ADD2: variants seen among roughly 807,000 people sequenced by gnomAD.
ADD2 encodes beta-adducin.
Under a neutral mutation model 83.0 loss-of-function variants are expected in ADD2, and 23 were observed. The observed-to-expected ratio is 0.28, with a 90% confidence interval of 0.20 to 0.39. The LOEUF is 0.39. ADD2 is among the 10% of genes least tolerant of loss of function. ADD2 has a pLI of 1.00. For missense variants in ADD2, 758 were observed against 944.9 expected (o/e 0.80, Z 2.59); for synonymous variants, 375 against 375.4 (o/e 1.00, Z 0.01).
chr2:70,750,002 T>C (rs1420261331), intron 1 of ADD2, among the ~76,000 whole-genome samples: 4 of 152,196 alleles, frequency 2.6e-5, no homozygotes, highest in Non-Finnish European at 5.9e-5. Context: ...TCCAATCAGT[T>C]TGGGGATCAG....
intron 1 of ADD2, among the ~76,000 whole-genome samples, chr2:70,733,771 T>A (rs1673391696): frequency 6.6e-6 from 1 of 152,216 alleles, no homozygotes; most frequent in Non-Finnish European, 1.5e-5. Flanking sequence ...ACATAACTGA[T>A]GTCACTGTGC....
intron 14 of ADD2, 110 bp from the exon 15 acceptor site, chr2:70,673,116 G>A: frequency 1.3e-6 from 2 of 1,534,034 alleles, no homozygotes; most frequent in Admixed American, 3.6e-5. Context: ...CAATCCTCCT[G>A]GCTGATAATG....
At chr2:70,735,264 A>T (rs1309994166) in intron 1 of ADD2, among the ~76,000 whole-genome samples, 1 of 152,182 alleles carries the variant, frequency 6.6e-6, no homozygotes, top group Non-Finnish European at 1.5e-5. Context: ...GTGAACACAC[A>T]GGATGTTTGC....
intron 6 of ADD2, among the ~76,000 whole-genome samples, chr2:70,693,902 A>T (rs1387201535): frequency 6.6e-6 from 1 of 152,246 alleles, no homozygotes; most frequent in African/African-American, 2.4e-5. Flanking sequence ...TGTACAAATG[A>T]GAAAGCAGGT....
chr2:70,717,931 C>T (rs1296863041), intron 1 of ADD2, among the ~76,000 whole-genome samples: 4 of 152,044 alleles, frequency 2.6e-5, no homozygotes, highest in Admixed American at 1.3e-4. Context: ...TCATTTAAGC[C>T]AAAAATAGTT....
At chr2:70,684,755 T>C (rs1670631808) in intron 9 of ADD2, among the ~76,000 whole-genome samples, 1 of 151,812 alleles carries the variant, frequency 6.6e-6, no homozygotes, top group Admixed American at 6.6e-5. Flanking sequence ...GGGGTGAGAG[T>C]TCCCACACAT....
chr2:70,760,972 T>C (rs772679982), intron 1 of ADD2, among the ~76,000 whole-genome samples: 49 of 152,092 alleles, frequency 3.2e-4, no homozygotes, highest in Non-Finnish European at 4.3e-4. Flanking sequence ...GATGAAGAAG[T>C]GTATGCCCCA....
chr2:70,721,492 A>G (rs1343282554), intron 1 of ADD2, among the ~76,000 whole-genome samples: 1 of 152,214 alleles, frequency 6.6e-6, no homozygotes, highest in African/African-American at 2.4e-5. Flanking sequence ...TTTGAGTCCT[A>G]CAGATCATTT....
Position 70,661,428 on chromosome 2 carries a change from T to C in ADD2, c.*1997A>G, listed in dbSNP as rs1182075990. ...CCATATGACAGATTTTTCTGAGGCA[T>C]GAGTGGGTTGTCCCTCCTAAAATTT... On this transcript the variant is annotated 3_prime_UTR_variant, in exon 16 of 16. Coordinates refer to ENST00000264436, the MANE Select transcript of ADD2 (RefSeq NM_001617.4). The C allele has an allele frequency of 1.3e-5, 2 of 152,208 alleles. No individual in the cohort carries two copies. Among genetic ancestry groups the C allele is most frequent in the Non-Finnish European group, 1.5e-5 (1 of 68,032 alleles). 9.4% of individuals were successfully genotyped at this position (152,208 alleles called of 1,614,324 possible). A position where few individuals can be genotyped will look rare whatever the true frequency, so the allele number is the denominator to read the frequency against.
chr2:70,681,710 A>C (rs1553369595), intron 10 of ADD2, among the ~76,000 whole-genome samples: 2 of 151,724 alleles, frequency 1.3e-5, no homozygotes, highest in African/African-American at 4.8e-5. Flanking sequence ...GCATGTAACC[A>C]TATTATCTGT....
chr2:70,701,135 A>G (rs1447817441), intron 4 of ADD2, among the ~76,000 whole-genome samples: 1 of 152,132 alleles, frequency 6.6e-6, no homozygotes, highest in African/African-American at 2.4e-5. Flanking sequence ...ATGTGTGAAT[A>G]TGAATGCAAA....
intron 2 of ADD2, among the ~76,000 whole-genome samples, chr2:70,712,191 C>A (rs1181825743): frequency 6.6e-6 from 1 of 152,102 alleles, no homozygotes; most frequent in African/African-American, 2.4e-5. Context: ...TGTCTGTAAT[C>A]CCAGCACTTT....
At chr2:70,707,734 A>T (rs567226130) in intron 2 of ADD2, among the ~76,000 whole-genome samples, 1 of 152,328 alleles carries the variant, frequency 6.6e-6, no homozygotes, top group South Asian at 2.1e-4. Context: ...TTTTTAACAT[A>T]TATGTGAAGA....
intron 1 of ADD2, among the ~76,000 whole-genome samples, chr2:70,734,719 T>C (rs1434658371): frequency 6.6e-6 from 1 of 152,202 alleles, no homozygotes; most frequent in Non-Finnish European, 1.5e-5. Flanking sequence ...ATGACACCCA[T>C]TCAGGACAGT....
rs59814593 is a variant in ADD2 at position 70,750,034 on chromosome 2, T to C, written c.-154+17852A>G. Among the ~76,000 whole-genome samples, 412 of 152,298 alleles carry C rather than the reference T, an allele frequency of 2.7e-3. 2 individuals are homozygous for C. The highest frequency in any genetic ancestry group is 9.5e-3 in the African/African-American group (394 of 41,560). On this transcript the variant is annotated intron_variant, in intron 1 of 15. Coordinates refer to ENST00000264436, the MANE Select transcript of ADD2 (RefSeq NM_001617.4). ...TCAGTAGGGTATACACAGGTCCTTG[T>C]TACAGGACCTTTCTGAGCCTTTCAT...
At chr2:70,750,280 CAT>C (rs1674445317) in intron 1 of ADD2, among the ~76,000 whole-genome samples, 2 of 152,164 alleles carry the variant, frequency 1.3e-5, no homozygotes, top group African/African-American at 4.8e-5. Flanking sequence ...GAGGTACAAA[CAT>C]AAATTCTTAG....
intron 4 of ADD2, among the ~76,000 whole-genome samples, chr2:70,703,367 G>A (rs1671711599): frequency 6.6e-6 from 1 of 152,172 alleles, no homozygotes; most frequent in Non-Finnish European, 1.5e-5. Context: ...ACTGAATCAG[G>A]AGGATGAAAC....
At chr2:70,688,592 G>C (rs1670863172) in intron 8 of ADD2, among the ~76,000 whole-genome samples, 1 of 152,170 alleles carries the variant, frequency 6.6e-6, no homozygotes, top group South Asian at 2.1e-4. Context: ...CTGTGACTTA[G>C]TTGACGTGGG....
rs1172374710 is a variant in ADD2, at chr2:70,657,819, T to G, written c.*5606A>C. On this transcript the variant is annotated 3_prime_UTR_variant, in exon 16 of 16. Coordinates refer to ENST00000264436, the MANE Select transcript of ADD2 (RefSeq NM_001617.4). Reference sequence around the variant, plus strand: ...AGCAATTTGCCGATCACAGCTGGCCTCAGTTCGGGACACAGTGGGTGAGGA... The same window carrying G: ...AGCAATTTGCCGATCACAGCTGGCCGCAGTTCGGGACACAGTGGGTGAGGA... 1.3e-5 allele frequency: 2 copies of G among 152,230 alleles called. No individual in the cohort carries two copies. Among genetic ancestry groups the G allele is most frequent in the Non-Finnish European group, 2.9e-5 (2 of 68,088 alleles). 9.4% of individuals were successfully genotyped at this position (152,230 alleles called of 1,614,324 possible).
Sources: gnomAD v4.1 joint callset for allele counts (sites outside exome capture counted in the v4.1 genomes callset) on GRCh38, gnomAD v4.1.1 for gene constraint, MANE v1.5 for transcripts, NCBI Gene and HGNC (gene_info 2026-07-23, HGNC 2026-07-21) for gene names.